Variants in DLG4 observed in about 807,000 individuals in gnomAD.
The protein encoded by DLG4 is discs large MAGUK scaffold protein 4, also known as disks large homolog 4.
Under a neutral mutation model 93.8 loss-of-function variants are expected in DLG4, and 7 were observed. The observed-to-expected ratio is 0.07, with a 90% confidence interval of 0.04 to 0.14. The LOEUF is 0.14. DLG4 is among the 10% of genes least tolerant of loss of function. The pLI is 1.00. For synonymous variants in DLG4, 341 were observed against 387.6 expected (o/e 0.88, Z 1.41); for missense variants, 545 against 992.9 (o/e 0.55, Z 6.06).
rs765916119 is a variant in DLG4, at chr17:7,194,173, T to TG, written c.1478+145dup. On this transcript the variant is annotated intron_variant, in intron 12 of 19. Transcript: ENST00000399506. This position sits in a 1 kb window ranked among gnomAD's most constrained non-coding sequence, Gnocchi z 4.4. ...AGGAGTTGTCCTTCCCAAAGGCTCA[T>TG]GGGAGCCACGGACCCCAGGAGGGCC... 2.3e-4 allele frequency: 308 copies of TG among 1,335,870 alleles called. No individual in the cohort carries two copies. Among genetic ancestry groups the TG allele is most frequent in the Non-Finnish European group, 2.5e-4 (247 of 985,198 alleles). The allele number at this position is 1,335,870 out of a possible 1,614,324, so 82.8% of individuals were successfully genotyped here.
rs770421091 is a variant in DLG4, at chr17:7,208,089, G to A, written c.96+85C>T. ...GGGTCTCCTACCTTGAAGGGGGAGA[G>A]GTGGGCGTGGCCCACGACCCCGTGG... On this transcript the variant is annotated intron_variant, in intron 2 of 19. Coordinates refer to ENST00000399506, the MANE Select transcript of DLG4 (RefSeq NM_001321075.3). This position sits in a 1 kb window ranked among gnomAD's most constrained non-coding sequence, Gnocchi z 5.4. 1 of 1,316,368 alleles carries A rather than the reference G, an allele frequency of 7.6e-7. No homozygotes were observed. The allele number at this position is 1,316,368 out of a possible 1,614,324, so 81.5% of individuals were successfully genotyped here. A position where few individuals can be genotyped will look rare whatever the true frequency, so the allele number is the denominator to read the frequency against.
Position 7,189,729 on chromosome 17 carries a change from G to C in DLG4, c.*979C>G, listed in dbSNP as rs2069393099. ...TTGGACAGAGCTCCAGACCTTCCCA[G>C]GCTCAGTCTTCACCAACTCGGGTTC... On this transcript the variant is annotated 3_prime_UTR_variant, in exon 20 of 20. Transcript: ENST00000399506. Among the ~76,000 whole-genome samples the C allele has an allele frequency of 6.6e-6, 1 of 151,968 alleles. No homozygotes were observed. Among genetic ancestry groups the C allele is most frequent in the South Asian group, 2.1e-4 (1 of 4,824 alleles).
Position 7,203,470 on chromosome 17 carries a change from G to C in DLG4, c.459C>G (p.Pro153=). 6.2e-7 allele frequency: 1 copy of C among 1,612,606 alleles called. No individual in the cohort carries two copies. Among genetic ancestry groups the C allele is most frequent in the Non-Finnish European group, 8.5e-7 (1 of 1,178,764 alleles). ...IVRLYVMRRK[P]PAEKVMEIKL... is the part of the protein sequence containing the mutation. ...TGATCTCCATGACCTTCTCAGCCGG[G>C]GGCTTCCGGCGCATGACATAGAGGC... Residue 153 remains proline (P), a synonymous_variant, in exon 6 of 20, where the codon CCC becomes CCG. Coordinates refer to ENST00000399506, the MANE Select transcript of DLG4 (RefSeq NM_001321075.3). This position sits in a 1 kb window ranked among gnomAD's most constrained non-coding sequence, Gnocchi z 7.2.
chr17:7,219,581 G>A, upstream of DLG4: 3 of 1,127,650 alleles, frequency 2.7e-6, no homozygotes, highest in Admixed American at 1.3e-4. Flanking sequence ...CTCTGCCTCT[G>A]CCATCTACCT....
upstream of DLG4, chr17:7,219,583 C>T (rs1217728295): frequency 1.8e-6 from 2 of 1,134,518 alleles, no homozygotes; most frequent in Non-Finnish European, 2.2e-6. Context: ...CTGCCTCTGC[C>T]ATCTACCTTA....
chr17:7,207,946 C>CA, intron 2 of DLG4: 6 of 867,776 alleles, frequency 6.9e-6, no homozygotes, highest in South Asian at 6.0e-5. Flanking sequence ...GCCCAAGCCC[C>CA]AAACCCCCGC....
intron 8 of DLG4, among the ~76,000 whole-genome samples, chr17:7,199,572 A>G (rs1478114913): frequency 6.6e-6 from 1 of 152,148 alleles, no homozygotes; most frequent in Non-Finnish European, 1.5e-5. Context: ...GGACAGTAGA[A>G]GCACCTTCAG....
At position 7,191,859 on chromosome 17, in the gene DLG4, G is replaced by T; in HGVS notation, c.1976+34C>A. On this transcript the variant is annotated intron_variant, in intron 18 of 19. Transcript: ENST00000399506. The surrounding 1 kb of genome is among the most constrained non-coding windows in gnomAD (Gnocchi z 6.6). ...GAGGCCCAGGGCCACAGGTGTTGGGGGAGCAAAGGGGAGGCCCCCAGGACC... is the reference window on the plus strand; with the variant it reads ...GAGGCCCAGGGCCACAGGTGTTGGGTGAGCAAAGGGGAGGCCCCCAGGACC... The T allele has an allele frequency of 7.2e-7, 1 of 1,383,210 alleles. No individual in the cohort carries two copies. The highest frequency in any genetic ancestry group is 9.6e-7 in the Non-Finnish European group (1 of 1,042,098). The allele number at this position is 1,383,210 out of a possible 1,614,324, so 85.7% of individuals were successfully genotyped here.
upstream of DLG4, chr17:7,219,213 G>T: frequency 3.0e-6 from 1 of 333,502 alleles, no homozygotes; most frequent in East Asian, 8.1e-5. Flanking sequence ...TCCTGCCCTA[G>T]GGCTAGAGAA....
At position 7,196,498 on chromosome 17, in the gene DLG4, C is replaced by T. The variant is rs746253923; in HGVS notation, c.1161G>A (p.Thr387=). 2.6e-5 allele frequency: 42 copies of T among 1,613,916 alleles called. No homozygotes were observed. Among genetic ancestry groups the T allele is most frequent in the Non-Finnish European group, 3.1e-5 (36 of 1,179,910 alleles). Residue 387 remains threonine, a synonymous_variant, in exon 10 of 20, where the codon ACG becomes ACA. Transcript: ENST00000399506. The surrounding 1 kb of genome is among the most constrained non-coding windows in gnomAD (Gnocchi z 8.3). The part of the protein sequence containing the change: ...IALKNAGQTV[T]IIAQYKPEEY... ...CTTCTGGTTTATACTGAGCGATGATCGTGACCGTCTGACCCGCATTCTTCA... is the reference window on the plus strand; with the variant it reads ...CTTCTGGTTTATACTGAGCGATGATTGTGACCGTCTGACCCGCATTCTTCA...
At chr17:7,213,018 G>A (rs2070766802) in intron 1 of DLG4, among the ~76,000 whole-genome samples, 1 of 151,958 alleles carries the variant, frequency 6.6e-6, no homozygotes. Context: ...AGGCGACAGA[G>A]TGAGACTCGG....
rs997762537 is a variant in DLG4 at position 7,193,333 on chromosome 17, G to A, written c.1693+150C>T. 1.0e-6 allele frequency: 1 copy of A among 990,596 alleles called. No individual in the cohort carries two copies. The highest frequency in any genetic ancestry group is 1.6e-5 in the African/African-American group (1 of 61,078). The allele number at this position is 990,596 out of a possible 1,614,324, so 61.4% of individuals were successfully genotyped here. On this transcript the variant is annotated intron_variant, in intron 16 of 19. Transcript: ENST00000399506. The surrounding 1 kb of genome is among the most constrained non-coding windows in gnomAD (Gnocchi z 6.7). ...TGGGCATGGGTACTATGGAATGAGA[G>A]GGTGGCTGAGAAGCACCCCTTCTCG...
chr17:7,199,995 AG>A (rs369495525), intron 8 of DLG4, among the ~76,000 whole-genome samples: 2 of 151,470 alleles, frequency 1.3e-5, no homozygotes, highest in Non-Finnish European at 3.0e-5. Flanking sequence ...AAAAAAAAAA[AG>A]AAAAGAAAAA....
Position 7,196,745 on chromosome 17 carries a change from G to A in DLG4, c.1083+12C>T, listed in dbSNP as rs767301945. 1.9e-6 allele frequency: 3 copies of A among 1,597,120 alleles called. No homozygotes were observed. In the African/African-American group the frequency reaches 4.0e-5, roughly 21 times the overall value. ...GAGGGGGTGGTGCAGGTAGGGGCAG[G>A]CCTTCCCTCACCGACAGGATCTGGT... is the stretch of plus-strand genomic sequence containing the variant. On this transcript the variant is annotated intron_variant, in intron 9 of 19. Coordinates refer to ENST00000399506, the MANE Select transcript of DLG4 (RefSeq NM_001321075.3). This position sits in a 1 kb window ranked among gnomAD's most constrained non-coding sequence, Gnocchi z 8.3.
chr17:7,215,846 G>T, intron 1 of DLG4, among the ~76,000 whole-genome samples: 1 of 136,894 alleles, frequency 7.3e-6, no homozygotes, highest in Non-Finnish European at 1.6e-5. Context: ...TCCCCAGCCT[G>T]TGACTCACCC....
In DLG4 at chr17:7,200,542, C is replaced by CTT. The variant is rs34670319; in HGVS notation, c.787+2359_787+2360dup. 6.3e-3 allele frequency among the ~76,000 whole-genome samples: 926 copies of CTT among 147,430 alleles called. 8 individuals are homozygous for CTT. The highest frequency in any genetic ancestry group is 0.02 in the African/African-American group (788 of 40,218). On this transcript the variant is annotated intron_variant, in intron 8 of 19. Transcript: ENST00000399506. ...ATTTATCTTACAAATAGCCACATTC[C>CTT]TTTTTTTTTTTGTCGTTTTTTGAGA...
intron 1 of DLG4, among the ~76,000 whole-genome samples, chr17:7,215,940 C>T (rs1422498814): frequency 6.8e-6 from 1 of 147,768 alleles, no homozygotes; most frequent in Admixed American, 6.8e-5. Flanking sequence ...TCCCTCCACA[C>T]ACCAGGCATC....
rs766307812 is a variant in DLG4 at position 7,196,604 on chromosome 17, CAG to C, written c.1084-31_1084-30del. 3.1e-6 allele frequency: 5 copies of C among 1,612,394 alleles called. No homozygotes were observed. The highest frequency in any genetic ancestry group is 3.4e-6 in the Non-Finnish European group (4 of 1,178,614). ...GAGAGAGGACGACAGGCTGTGTCAC[CAG>C]AGACAGGAGGCAGCACTTCTGGGTC... On this transcript the variant is annotated intron_variant, in intron 9 of 19. Transcript: ENST00000399506. The surrounding 1 kb of genome is among the most constrained non-coding windows in gnomAD (Gnocchi z 8.3).
At chr17:7,199,917 T>G (rs922145498) in intron 8 of DLG4, among the ~76,000 whole-genome samples, 3 of 151,062 alleles carry the variant, frequency 2.0e-5, no homozygotes, top group African/African-American at 7.3e-5. Flanking sequence ...GAGGCGGAGC[T>G]TGCAGTGAGC....
Sources: gnomAD v4.1 joint callset for allele counts (sites outside exome capture counted in the v4.1 genomes callset) on GRCh38, gnomAD v4.1.1 for gene constraint, Gnocchi (gnomAD v3.1) non-coding constraint, MANE v1.5 for transcripts, NCBI Gene and HGNC (gene_info 2026-07-23, HGNC 2026-07-21) for gene names.